FRS2: variants seen among roughly 807,000 people sequenced by gnomAD.
FRS2 encodes FGFR signalling adaptor.
A neutral mutation model predicts 43.9 loss-of-function variants in FRS2; 8 were observed. The ratio of observed to expected loss-of-function variants is 0.18; its 90% CI spans 0.11 to 0.33. The LOEUF (loss-of-function observed/expected upper bound fraction) is 0.33. FRS2 is among the 10% of genes least tolerant of loss of function. FRS2 has a pLI of 1.00. For synonymous variants in FRS2, 219 were observed against 220.3 expected (o/e 0.99, Z 0.05); for missense variants, 534 against 627.6 (o/e 0.85, Z 1.59).
At chr12:69,562,013 A>T in intron 3 of FRS2, 167 bp from the exon 4 acceptor site, 1 of 369,174 alleles carries the variant, frequency 2.7e-6, no homozygotes, top group East Asian at 3.9e-5. Flanking sequence ...TGCATATTAT[A>T]TTACTTTTTA....
In FRS2 at chr12:69,579,749, GCAATAAAACCC is replaced by G. The variant is rs1881432013; in HGVS notation, c.*4804_*4814del. On this transcript the variant is annotated 3_prime_UTR_variant, in exon 9 of 9. Coordinates refer to ENST00000549921, the MANE Select transcript of FRS2 (RefSeq NM_001278356.2). The stretch of plus-strand genomic sequence containing the variant: ...TTCCCCTTATTGCTGAAAGTAGATT[GCAATAAAACCC>G]CAATAAAACGTTTGGTCGGATATCT... The G allele has an allele frequency of 1.3e-5, 2 of 152,114 alleles. No individual in the cohort carries two copies. Among genetic ancestry groups the G allele is most frequent in the Admixed American group, 6.5e-5 (1 of 15,272 alleles). 9.4% of individuals were successfully genotyped at this position (152,114 alleles called of 1,614,324 possible).
At chr12:69,565,011 A>C (rs1342546417) in intron 4 of FRS2, among the ~76,000 whole-genome samples, 1 of 152,218 alleles carries the variant, frequency 6.6e-6, no homozygotes, top group Non-Finnish European at 1.5e-5. Context: ...CTTCTGAGAA[A>C]TGTGTCATTA....
At chr12:69,573,953 CAG>C in intron 8 of FRS2, 50 bp from the exon 9 acceptor site, 1 of 1,230,684 alleles carries the variant, frequency 8.1e-7, no homozygotes, top group Admixed American at 2.2e-5. Context: ...GGCTTTTTTT[CAG>C]TTTTGTTTTT....
chr12:69,506,425 A>G (rs1873933001), intron 1 of FRS2, among the ~76,000 whole-genome samples: 1 of 152,192 alleles, frequency 6.6e-6, no homozygotes, highest in South Asian at 2.1e-4. Flanking sequence ...TTAGAATAAT[A>G]TCGCAAATAC....
intron 1 of FRS2, among the ~76,000 whole-genome samples, chr12:69,504,873 G>T (rs1236930019): frequency 6.6e-6 from 1 of 152,170 alleles, no homozygotes; most frequent in African/African-American, 2.4e-5. Flanking sequence ...CTGTCACCTA[G>T]GGTGAAGTAC....
rs78002569 is a variant in FRS2 at position 69,489,299 on chromosome 12, T to C, written c.-261+18769T>C. On this transcript the variant is annotated intron_variant, in intron 1 of 8. Transcript: ENST00000549921. ...GTAAGTTGTCCCACATCTTAGATAC[T>C]GGCTTCATTTTGCTCCTTGGTTCTT... Among the ~76,000 whole-genome samples, 76 of 152,344 alleles carry C rather than the reference T, an allele frequency of 5.0e-4. 1 individual carries two copies. The East Asian group carries it at 0.01, about 21-fold the overall frequency.
chr12:69,488,271 T>G lies in FRS2; in HGVS notation c.-261+17741T>G, dbSNP rs1319999122. Among the ~76,000 whole-genome samples, 3 of 152,192 alleles carry G rather than the reference T, an allele frequency of 2.0e-5. No homozygotes were observed. In the East Asian group the frequency reaches 5.8e-4, roughly 29 times the overall value. On this transcript the variant is annotated intron_variant, in intron 1 of 8. Coordinates refer to ENST00000549921, the MANE Select transcript of FRS2 (RefSeq NM_001278356.2). The stretch of plus-strand genomic sequence containing the variant: ...AGAGTCATTTGATGCGGCAAGTGAT[T>G]GTTGCCTTAAGAAATTGCCGCAGCC...
chr12:69,579,545 T>C lies in FRS2; in HGVS notation c.*4590T>C, dbSNP rs190490032. 2.0e-4 allele frequency: 30 copies of C among 152,704 alleles called. No individual in the cohort carries two copies. Among genetic ancestry groups the C allele is most frequent in the African/African-American group, 7.2e-4 (30 of 41,562 alleles). 9.5% of individuals were successfully genotyped at this position (152,704 alleles called of 1,614,324 possible). A position where few individuals can be genotyped will look rare whatever the true frequency, so the allele number is the denominator to read the frequency against. ...GTCCTACAAATTATGTAAAATATGG[T>C]TTAATATTAGATGACTTTGGATTTT... On this transcript the variant is annotated 3_prime_UTR_variant, in exon 9 of 9. Transcript: ENST00000549921.
chr12:69,523,810 T>C (rs1475868638), intron 1 of FRS2, among the ~76,000 whole-genome samples: 2 of 152,248 alleles, frequency 1.3e-5, no homozygotes, highest in African/African-American at 2.4e-5. Flanking sequence ...GAAAATGATC[T>C]TATTTCTCCT....
chr12:69,554,989 G>C (rs753570042), intron 3 of FRS2, among the ~76,000 whole-genome samples: 3 of 151,548 alleles, frequency 2.0e-5, no homozygotes, highest in Non-Finnish European at 4.4e-5. Flanking sequence ...GATTGTAGGT[G>C]TGAACCACGT....
At chr12:69,487,962 T>A (rs1872108900) in intron 1 of FRS2, among the ~76,000 whole-genome samples, 1 of 152,214 alleles carries the variant, frequency 6.6e-6, no homozygotes, top group Admixed American at 6.5e-5. Context: ...AGCCTTAGGA[T>A]GTGACTGAAT....
intron 1 of FRS2, among the ~76,000 whole-genome samples, chr12:69,477,004 G>A (rs1283658530): frequency 6.6e-6 from 1 of 152,064 alleles, no homozygotes. Flanking sequence ...AAAATGATAT[G>A]GGTTTATAGA....
Position 69,542,987 on chromosome 12 carries a change from A to G in FRS2, c.-122+10931A>G, listed in dbSNP as rs78643880. ...GTCTTCAGGAGTTACATCTGCTATAATAACTATAATGCAAATGACAGTTTT... is the reference window on the plus strand; with the variant it reads ...GTCTTCAGGAGTTACATCTGCTATAGTAACTATAATGCAAATGACAGTTTT... On this transcript the variant is annotated intron_variant, in intron 3 of 8. Transcript: ENST00000549921. Among the ~76,000 whole-genome samples the G allele has an allele frequency of 9.3e-3, 1,414 of 152,340 alleles. 25 individuals are homozygous for G. The highest frequency in any genetic ancestry group is 0.031 in the African/African-American group (1,305 of 41,574).
intron 1 of FRS2, among the ~76,000 whole-genome samples, chr12:69,486,882 A>C (rs7955136): frequency 0.019 from 2,840 of 152,334 alleles, 94 homozygotes; most frequent in African/African-American, 0.063. Context: ...AGAGGTGAGG[A>C]AGCTGCAGAA....
intron 3 of FRS2, among the ~76,000 whole-genome samples, chr12:69,544,639 G>A (rs561457841): frequency 6.6e-6 from 1 of 152,138 alleles, no homozygotes; most frequent in Admixed American, 6.5e-5. Context: ...CCCGGGAGGA[G>A]GGGGTTGCAG....
intron 1 of FRS2, among the ~76,000 whole-genome samples, chr12:69,516,342 C>T (rs868646638): frequency 4.3e-4 from 65 of 152,072 alleles, no homozygotes; most frequent in Middle Eastern, 3.4e-3. Context: ...CCTCAGCCTC[C>T]GGAGTAGCTG....
chr12:69,494,345 A>T (rs1262035711), intron 1 of FRS2, among the ~76,000 whole-genome samples: 1 of 152,100 alleles, frequency 6.6e-6, no homozygotes, highest in Non-Finnish European at 1.5e-5. Context: ...TAGAGTGTCT[A>T]CTCTCTGCCT....
chr12:69,477,311 C>T lies in FRS2; in HGVS notation c.-261+6781C>T, dbSNP rs1003171667. ...TTTTTTTTGGTTTGAGACGGAGTCT[C>T]GCTGTGTCCCCCAGGTTGGAGTGCA... is the stretch of plus-strand genomic sequence containing the variant. On this transcript the variant is annotated intron_variant, in intron 1 of 8. Transcript: ENST00000549921. 3.7e-5 allele frequency among the ~76,000 whole-genome samples: 5 copies of T among 134,930 alleles called. No homozygotes were observed. The South Asian group carries it at 9.3e-4, about 25-fold the overall frequency. The allele number at this position is 134,930 out of a possible 152,430, so 88.5% of individuals were successfully genotyped here. A position where few individuals can be genotyped will look rare whatever the true frequency, so the allele number is the denominator to read the frequency against.
chr12:69,554,104 TCA>T (rs1306866798), intron 3 of FRS2, among the ~76,000 whole-genome samples: 1 of 152,210 alleles, frequency 6.6e-6, no homozygotes, highest in Non-Finnish European at 1.5e-5. Flanking sequence ...ACTGTGTTCT[TCA>T]CAGTCTGCCC....
Sources: gnomAD v4.1 joint callset for allele counts (sites outside exome capture counted in the v4.1 genomes callset) on GRCh38, gnomAD v4.1.1 for gene constraint, MANE v1.5 for transcripts, NCBI Gene and HGNC (gene_info 2026-07-23, HGNC 2026-07-21) for gene names.